The following WASHC2C variants were observed in gnomAD, a reference collection of about 807,000 sequenced individuals.
WASHC2C encodes the protein Vaccinia Penetration Factor.
A neutral mutation model predicts 142.2 loss-of-function variants in WASHC2C; 73 were observed. The ratio of observed to expected loss-of-function variants is 0.51; its 90% CI spans 0.43 to 0.62. The LOEUF (loss-of-function observed/expected upper bound fraction) is 0.62, where lower values mean the gene tolerates loss of function less well. WASHC2C is among the 20% of genes least tolerant of loss of function. The pLI is 0.00. For synonymous variants in WASHC2C, 337 were observed against 565.5 expected, an observed-to-expected ratio of 0.60 and a Z score of 5.73; for missense variants, 969 against 1,531.7, an observed-to-expected ratio of 0.63 and a Z score of 6.13.
rs112842230 is a variant in WASHC2C at position 45,750,109 on chromosome 10, T to C, written c.746T>C (p.Met249Thr). Residue 249 changes from methionine (M) to threonine (T), a missense_variant, in exon 9 of 31, where the codon ATG becomes ACG. Transcript: ENST00000623400. ...DNEQNQHTTQ[M>T]SDEEEDDDGC... ...TTATACTCTTAGCACACCACACAAA[T>C]GAGTGATGAGGAAGAGGATGATGAT... The C allele has an allele frequency of 0.19, 306,329 of 1,610,008 alleles. 31,383 individuals carry two copies. Among genetic ancestry groups the C allele is most frequent in the Admixed American group, 0.28 (16,730 of 59,706 alleles).
chr10:45,773,447 A>G (rs2056783415), intron 21 of WASHC2C, 89 bp downstream of exon 21: 1 of 616,068 alleles, frequency 1.6e-6, no homozygotes, highest in African/African-American at 1.9e-5. Context: ...TTCATACCTA[A>G]CCTTGGAGGC....
chr10:45,740,303 A>G (rs2134256553), intron 5 of WASHC2C, 57 bp downstream of exon 5: 1 of 521,360 alleles, frequency 1.9e-6, no homozygotes, highest in South Asian at 2.0e-5. Flanking sequence ...GGCTACTTTA[A>G]TTGGGCACAC....
chr10:45,744,013 C>A (rs1419842769), intron 6 of WASHC2C, among the ~76,000 whole-genome samples: 1 of 151,724 alleles, frequency 6.6e-6, no homozygotes, highest in African/African-American at 2.4e-5. Flanking sequence ...TCCCAAAGTG[C>A]TGGGATTACA....
upstream of WASHC2C, chr10:45,727,217 C>G: frequency 1.3e-6 from 2 of 1,500,836 alleles, no homozygotes; most frequent in Non-Finnish European, 1.8e-6. Flanking sequence ...CACGTGAGGC[C>G]GGTCACGCCC....
At chr10:45,748,436 T>C (rs531313038) in intron 8 of WASHC2C, among the ~76,000 whole-genome samples, 3 of 152,114 alleles carry the variant, frequency 2.0e-5, no homozygotes, top group Non-Finnish European at 4.4e-5. Flanking sequence ...ATTATAGGCA[T>C]GTGCCACCAT....
chr10:45,746,001 A>G (rs1228363672), intron 7 of WASHC2C, among the ~76,000 whole-genome samples: 2 of 112,924 alleles, frequency 1.8e-5, no homozygotes, highest in Non-Finnish European at 3.5e-5. Context: ...ATTCCCACCT[A>G]TGAGTGAGAA....
intron 5 of WASHC2C, among the ~76,000 whole-genome samples, 159 bp from the exon 6 acceptor site, chr10:45,743,229 AAG>A (rs1359681752): frequency 6.6e-6 from 1 of 152,228 alleles, no homozygotes; most frequent in Non-Finnish European, 1.5e-5. Flanking sequence ...CAGTGAAAAA[AAG>A]AATTTTTTTT....
rs1408524329 is a variant in WASHC2C at position 45,727,292 on chromosome 10, G to A, written c.-26G>A. On this transcript the variant is annotated 5_prime_UTR_variant, in exon 1 of 31. Transcript: ENST00000623400. The stretch of plus-strand genomic sequence containing the variant: ...GTCCTCGGCCTGTGCTGGCAGCCTC[G>A]GAGCCCACCGAGCCGGGCGGCTGGG... 1.7e-5 allele frequency: 26 copies of A among 1,559,484 alleles called. No individual in the cohort carries two copies. The highest frequency in any genetic ancestry group is 2.3e-5 in the Non-Finnish European group (26 of 1,153,442).
chr10:45,783,360 T>G (rs1554888555), intron 23 of WASHC2C, among the ~76,000 whole-genome samples: 2 of 152,258 alleles, frequency 1.3e-5, no homozygotes, highest in African/African-American at 4.8e-5. Context: ...TAACATTACT[T>G]GCTGTGTTAA....
chr10:45,786,981 A>G, intron 27 of WASHC2C, 54 bp from the exon 28 acceptor site: 6 of 1,610,736 alleles, frequency 3.7e-6, no homozygotes, highest in Admixed American at 1.7e-5. Flanking sequence ...CACAATAAAG[A>G]TAATAGACTG....
intron 20 of WASHC2C, among the ~76,000 whole-genome samples, chr10:45,770,112 G>A (rs1480834545): frequency 1.3e-3 from 200 of 151,602 alleles, no homozygotes; most frequent in African/African-American, 4.5e-3. Context: ...GTGGTGGCAC[G>A]CGCCTGTAGT....
intron 4 of WASHC2C, among the ~76,000 whole-genome samples, chr10:45,739,273 A>G (rs1283724315): frequency 4.6e-5 from 7 of 151,204 alleles, no homozygotes; most frequent in South Asian, 2.1e-4. Flanking sequence ...ATAAAAGACT[A>G]AAATGCTCGT....
chr10:45,727,186 T>G, upstream of WASHC2C: 1 of 1,460,862 alleles, frequency 6.8e-7, no homozygotes, highest in Non-Finnish European at 9.0e-7. Flanking sequence ...CACGTGCGGG[T>G]TCTGTCACGT....
chr10:45,784,278 A>ATGTG (rs1430972906), intron 23 of WASHC2C, among the ~76,000 whole-genome samples: 20 of 6,914 alleles, frequency 2.9e-3, no homozygotes, highest in Non-Finnish European at 4.2e-4. Context: ...ATATATATAT[A>ATGTG]TATATATATA....
At chr10:45,783,812 TAGAATGTC>T (rs1432958797) in intron 23 of WASHC2C, among the ~76,000 whole-genome samples, 4 of 152,222 alleles carry the variant, frequency 2.6e-5, no homozygotes, top group African/African-American at 9.6e-5. Context: ...GGATGAATTT[TAGAATGTC>T]AGGTCTGGAG....
intron 20 of WASHC2C, 25 bp from the exon 21 acceptor site, chr10:45,773,231 T>C: frequency 1.5e-6 from 1 of 675,106 alleles, no homozygotes; most frequent in Non-Finnish European, 2.5e-6. Context: ...TTTTCCTTAA[T>C]TTGACCTTTT....
At chr10:45,727,258 G>T, upstream of WASHC2C, 12 of 1,537,364 alleles carry the variant, frequency 7.8e-6, no homozygotes, top group Non-Finnish European at 1.0e-5. Flanking sequence ...AGGCTTCCGG[G>T]GCTCTGCGGT....
intron 3 of WASHC2C, among the ~76,000 whole-genome samples, chr10:45,736,352 G>A (rs1292484521): frequency 6.3e-5 from 8 of 126,228 alleles, no homozygotes; most frequent in Non-Finnish European, 1.3e-4. Flanking sequence ...CTTGCAGTGA[G>A]CCGAGATCGC....
intron 23 of WASHC2C, among the ~76,000 whole-genome samples, chr10:45,783,528 C>T (rs1367909611): frequency 6.6e-6 from 1 of 152,098 alleles, no homozygotes; most frequent in Non-Finnish European, 1.5e-5. Flanking sequence ...GTGGCATGAT[C>T]TCGGCCCACT....
Sources: gnomAD v4.1 joint callset for allele counts (sites outside exome capture counted in the v4.1 genomes callset) on GRCh38, gnomAD v4.1.1 for gene constraint, MANE v1.5 for transcripts, NCBI Gene and HGNC (gene_info 2026-07-23, HGNC 2026-07-21) for gene names.